Variants in MATN2 observed in about 807,000 individuals in gnomAD.
The protein encoded by MATN2 is matrilin-2.
Under a neutral mutation model 103.2 loss-of-function variants are expected in MATN2, and 69 were observed. The observed-to-expected ratio is 0.67, with a 90% CI of 0.55 to 0.82. MATN2 has a LOEUF of 0.82. Among genes scored for constraint, MATN2 ranks in the 40% least tolerant of loss-of-function variants. The pLI is 0.00. For synonymous variants in MATN2, 429 were observed against 450.2 expected (o/e 0.95, Z 0.60); for missense variants, 1,023 against 1,211.5 (o/e 0.84, Z 2.31).
chr8:97,945,263 C>G (rs926017934), intron 4 of MATN2, among the ~76,000 whole-genome samples: 1 of 152,174 alleles, frequency 6.6e-6, no homozygotes, highest in Admixed American at 6.5e-5. Context: ...TGTTTTATAT[C>G]TGCTGTCTCA....
chr8:97,880,363 A>C (rs1278377639), intron 1 of MATN2, among the ~76,000 whole-genome samples: 1 of 152,190 alleles, frequency 6.6e-6, no homozygotes, highest in African/African-American at 2.4e-5. Flanking sequence ...GAGAAAGAGA[A>C]AGAGCTGGAG....
chr8:97,910,416 G>A lies in MATN2; in HGVS notation c.143-20537G>A, dbSNP rs893393010. 1.5e-4 allele frequency among the ~76,000 whole-genome samples: 23 copies of A among 152,164 alleles called. 1 individual carries two copies. The highest frequency in any genetic ancestry group is 1.2e-4 in the African/African-American group (5 of 41,442). ...GATTGGGAATAGTCTGCAGAGAGGCGAAGGCAAGCAGTGCTTAGGAGGCTA... is the reference window on the plus strand; with the variant it reads ...GATTGGGAATAGTCTGCAGAGAGGCAAAGGCAAGCAGTGCTTAGGAGGCTA... On this transcript the variant is annotated intron_variant, in intron 2 of 18. Transcript: ENST00000254898.
intron 5 of MATN2, among the ~76,000 whole-genome samples, chr8:97,974,088 AT>A (rs1811754020): frequency 6.6e-6 from 1 of 152,082 alleles, no homozygotes; most frequent in African/African-American, 2.4e-5. Flanking sequence ...CAAAATTTTT[AT>A]TTTTAAAAAC....
chr8:97,985,229 G>A (rs555966769), intron 6 of MATN2, among the ~76,000 whole-genome samples: 1 of 152,284 alleles, frequency 6.6e-6, no homozygotes, highest in Non-Finnish European at 1.5e-5. Flanking sequence ...GGAAGCAAGA[G>A]AGAAAGGATG....
chr8:97,875,977 G>A (rs1818055150), intron 1 of MATN2, among the ~76,000 whole-genome samples: 1 of 151,580 alleles, frequency 6.6e-6, no homozygotes, highest in Non-Finnish European at 1.5e-5. Flanking sequence ...TTACAGGCGT[G>A]AGCCACTGCG....
intron 2 of MATN2, among the ~76,000 whole-genome samples, chr8:97,916,746 C>T (rs1355191210): frequency 6.6e-6 from 1 of 152,136 alleles, no homozygotes; most frequent in Non-Finnish European, 1.5e-5. Flanking sequence ...CTTTACGTTG[C>T]AAGGAAATTC....
intron 2 of MATN2, among the ~76,000 whole-genome samples, chr8:97,918,081 C>A (rs543710928): frequency 6.6e-6 from 1 of 151,692 alleles, no homozygotes; most frequent in Admixed American, 6.6e-5. Flanking sequence ...TGTTTGAGAC[C>A]CAGTCTCAAA....
rs1813442309 is a variant in MATN2 at position 98,018,235 on chromosome 8, T to A, written c.1819+119T>A. On this transcript the variant is annotated intron_variant, in intron 12 of 18. Transcript: ENST00000254898. ...ACTGTCACAAGTGTCAGTTCCTGCC[T>A]TGGGTGCTCTGAAAGTGTTTAGCTA... The A allele has an allele frequency of 2.3e-6, 3 of 1,330,818 alleles. No individual in the cohort carries two copies. The African/African-American group carries it at 4.4e-5, about 19-fold the overall frequency. The allele number at this position is 1,330,818 out of a possible 1,614,324, so 82.4% of individuals were successfully genotyped here.
At chr8:97,937,462 C>T (rs1489632170) in intron 3 of MATN2, among the ~76,000 whole-genome samples, 1 of 152,064 alleles carries the variant, frequency 6.6e-6, no homozygotes, top group Non-Finnish European at 1.5e-5. Context: ...TCCATTACAC[C>T]AAGTTATAAT....
In MATN2 at chr8:97,997,760, G is replaced by A. The variant is rs543907749; in HGVS notation, c.1204+3158G>A. Among the ~76,000 whole-genome samples the A allele has an allele frequency of 2.2e-4, 34 of 151,962 alleles. 1 individual carries two copies. The South Asian group carries it at 7.1e-3, about 32-fold the overall frequency. On this transcript the variant is annotated intron_variant, in intron 7 of 18. Transcript: ENST00000254898. ...ACATGAGGAAATATGACAAAAGGGTGGTGAGAAGGCAAAGAGCCACTGTTA... is the reference window on the plus strand; with the variant it reads ...ACATGAGGAAATATGACAAAAGGGTAGTGAGAAGGCAAAGAGCCACTGTTA...
chr8:97,919,874 T>C (rs1809754785), intron 2 of MATN2, among the ~76,000 whole-genome samples: 1 of 152,176 alleles, frequency 6.6e-6, no homozygotes. Flanking sequence ...GTGTTGGGGC[T>C]CAGAGGAAGG....
intron 2 of MATN2, among the ~76,000 whole-genome samples, chr8:97,926,625 G>A (rs79473690): frequency 0.099 from 15,030 of 152,164 alleles, 1,243 homozygotes; most frequent in East Asian, 0.44. Context: ...GGACCCCTCT[G>A]CCTCTAAGAT....
At chr8:97,961,266 A>G in intron 4 of MATN2, 142 bp from the exon 5 acceptor site, 1 of 765,694 alleles carries the variant, frequency 1.3e-6, no homozygotes, top group Non-Finnish European at 1.9e-6. Flanking sequence ...CAAATTTTCT[A>G]CTATGATCAC....
intron 4 of MATN2, among the ~76,000 whole-genome samples, chr8:97,960,901 G>A (rs745876124): frequency 3.5e-4 from 53 of 152,052 alleles, no homozygotes; most frequent in Non-Finnish European, 6.8e-4. Context: ...TGCAACCTCC[G>A]CCTCCTGAGT....
At position 97,883,389 on chromosome 8, in the gene MATN2, C is replaced by T. The variant is rs558896478; in HGVS notation, c.-26-4686C>T. On this transcript the variant is annotated intron_variant, in intron 1 of 18. Coordinates refer to ENST00000254898, the MANE Select transcript of MATN2 (RefSeq NM_002380.5). ...GTCTGTAACTTGTCATGCCATTGCA[C>T]TTTGTTTGTTTGTTTTGAGACAGAG... 4.0e-5 allele frequency among the ~76,000 whole-genome samples: 6 copies of T among 151,328 alleles called. No homozygotes were observed. The East Asian group carries it at 9.8e-4, about 25-fold the overall frequency.
intron 1 of MATN2, among the ~76,000 whole-genome samples, chr8:97,874,406 C>CTTCTTCT (rs371042037): frequency 1.7e-4 from 23 of 136,116 alleles, no homozygotes; most frequent in South Asian, 7.3e-4. Flanking sequence ...TCTTCTTCTT[C>CTTCTTCT]TTTTTTTTTT....
At chr8:98,026,211 G>T (rs1239235197) in intron 13 of MATN2, among the ~76,000 whole-genome samples, 2 of 143,176 alleles carry the variant, frequency 1.4e-5, no homozygotes, top group African/African-American at 2.5e-5. Context: ...TGCCTGAAAA[G>T]CTTCCATGTA....
intron 2 of MATN2, 82 bp downstream of exon 2, chr8:97,888,324 T>G (rs1396065314): frequency 1.8e-5 from 24 of 1,357,854 alleles, no homozygotes; most frequent in Non-Finnish European, 2.3e-5. Context: ...GGTGACTGTT[T>G]GAGAAGCTTT....
intron 2 of MATN2, among the ~76,000 whole-genome samples, chr8:97,889,572 T>C (rs1818562617): frequency 6.6e-6 from 1 of 150,592 alleles, no homozygotes; most frequent in African/African-American, 2.4e-5. Flanking sequence ...GCCTCTTGAG[T>C]AGCTGGGTTT....
Sources: gnomAD v4.1 joint callset for allele counts (sites outside exome capture counted in the v4.1 genomes callset) on GRCh38, gnomAD v4.1.1 for gene constraint, MANE v1.5 for transcripts, NCBI Gene and HGNC (gene_info 2026-07-23, HGNC 2026-07-21) for gene names.